VIPR2: variants seen among roughly 807,000 people sequenced by gnomAD.
The protein encoded by VIPR2 is vasoactive intestinal peptide receptor 2.
A neutral mutation model predicts 58.0 loss-of-function variants in VIPR2; 48 were observed. The ratio of observed to expected loss-of-function variants is 0.83; its 90% CI spans 0.66 to 1.05. The LOEUF (loss-of-function observed/expected upper bound fraction) is 1.05, where lower values mean the gene tolerates loss of function less well. Among genes scored for constraint, VIPR2 ranks in the 50% least tolerant of loss-of-function variants. The pLI, the probability that VIPR2 is intolerant of heterozygous loss-of-function variation, is 0.00. For synonymous variants in VIPR2, 243 were observed against 235.2 expected (o/e 1.03, Z -0.30); for missense variants, 534 against 558.0 (o/e 0.96, Z 0.43).
intron 2 of VIPR2, among the ~76,000 whole-genome samples, chr7:159,122,389 A>G (rs1200247676): frequency 1.3e-5 from 2 of 152,210 alleles, no homozygotes; most frequent in African/African-American, 4.8e-5. Flanking sequence ...GTGTGCTCCC[A>G]TCGGAATCTC....
chr7:159,142,357 C>T (rs1797509037), intron 2 of VIPR2, 89 bp downstream of exon 2: 3 of 784,510 alleles, frequency 3.8e-6, no homozygotes, highest in Non-Finnish European at 4.0e-6. Flanking sequence ...TTTTAAGATG[C>T]AGGTGGTGAC....
At chr7:159,082,962 C>T (rs1563307736) in intron 4 of VIPR2, among the ~76,000 whole-genome samples, 1 of 152,230 alleles carries the variant, frequency 6.6e-6, no homozygotes, top group Non-Finnish European at 1.5e-5. Context: ...TAACCATCAT[C>T]CTCATGTAAT....
rs1857617771 is a variant in VIPR2, at chr7:159,093,454, CT to C, written c.357+10302del. Among the ~76,000 whole-genome samples the C allele has an allele frequency of 1.3e-5, 2 of 152,212 alleles. 1 individual carries two copies. The highest frequency in any genetic ancestry group is 1.3e-4 in the Admixed American group (2 of 15,284). Reference sequence around the variant, plus strand: ...CGGGTGTGGCTGGAGCTCACTCTCACTGCCGGAAGTGAGGAGCCTCTCCAAC... The same window carrying C: ...CGGGTGTGGCTGGAGCTCACTCTCACGCCGGAAGTGAGGAGCCTCTCCAAC... On this transcript the variant is annotated intron_variant, in intron 4 of 12. Transcript: ENST00000262178. The surrounding 1 kb of genome is among the most constrained non-coding windows in gnomAD (Gnocchi z 6.7).
rs1441941672 is a variant in VIPR2, at chr7:159,128,272, T to C, written c.151+14174A>G. On this transcript the variant is annotated intron_variant, in intron 2 of 12. Coordinates refer to ENST00000262178, the MANE Select transcript of VIPR2 (RefSeq NM_003382.5). This position sits in a 1 kb window ranked among gnomAD's most constrained non-coding sequence, Gnocchi z 4.1. ...TGGGATGTCTGCCCCATCCATACCT[T>C]GGGACCCAGCTCTCATGATCTCACA... 6.6e-6 allele frequency among the ~76,000 whole-genome samples: 1 copy of C among 152,092 alleles called. No individual in the cohort carries two copies. The highest frequency in any genetic ancestry group is 1.5e-5 in the Non-Finnish European group (1 of 68,000).
At chr7:159,136,230 T>C (rs1585569288) in intron 2 of VIPR2, among the ~76,000 whole-genome samples, 1 of 152,130 alleles carries the variant, frequency 6.6e-6, no homozygotes, top group East Asian at 1.9e-4. Context: ...GGCCATCGTG[T>C]AGTGAGGGGG....
chr7:159,101,838 C>T (rs548515645), intron 4 of VIPR2, among the ~76,000 whole-genome samples: 25 of 124,982 alleles, frequency 2.0e-4, no homozygotes, highest in South Asian at 7.8e-4. Flanking sequence ...TGGTAGTGAA[C>T]GGGTCTCACG....
chr7:159,094,667 C>G (rs73169245), intron 4 of VIPR2, among the ~76,000 whole-genome samples: 25,064 of 152,162 alleles, frequency 0.16, 2,159 homozygotes, highest in Non-Finnish European at 0.17. Context: ...GTTTTAAAGA[C>G]GAAGATCCTG....
intron 4 of VIPR2, among the ~76,000 whole-genome samples, chr7:159,063,373 C>T (rs1308227208): frequency 6.6e-6 from 1 of 152,096 alleles, no homozygotes; most frequent in African/African-American, 2.4e-5. Context: ...TCCACAGCTG[C>T]TGGCCCGGGT....
At chr7:159,077,208 G>C (rs1856678813) in intron 4 of VIPR2, among the ~76,000 whole-genome samples, 1 of 152,254 alleles carries the variant, frequency 6.6e-6, no homozygotes. Flanking sequence ...TGACTGAAGA[G>C]ACAAAAGTTG....
At chr7:159,042,886 C>T in intron 6 of VIPR2, 149 bp downstream of exon 6, 1 of 1,163,608 alleles carries the variant, frequency 8.6e-7, no homozygotes, top group Non-Finnish European at 1.2e-6. Context: ...GTTCTGGCCC[C>T]AGCCTCTCTG....
intron 4 of VIPR2, among the ~76,000 whole-genome samples, chr7:159,081,566 T>G (rs2129494909): frequency 6.6e-6 from 1 of 152,294 alleles, no homozygotes; most frequent in South Asian, 2.1e-4. Flanking sequence ...GGGCAAGGAC[T>G]TCATGTCTAA....
chr7:159,049,923 T>G (rs1174701887), intron 5 of VIPR2, among the ~76,000 whole-genome samples: 1 of 151,646 alleles, frequency 6.6e-6, no homozygotes, highest in Admixed American at 6.6e-5. Context: ...CCATGAAAAA[T>G]TCAAATCCTC....
At chr7:159,108,801 C>T (rs1305928266) in intron 3 of VIPR2, among the ~76,000 whole-genome samples, 1 of 152,234 alleles carries the variant, frequency 6.6e-6, no homozygotes, top group Admixed American at 6.5e-5. Flanking sequence ...AGAATGGATG[C>T]AGCCCAAGCT....
In VIPR2 at chr7:159,031,411, C is replaced by G. The variant is rs377111470; in HGVS notation, c.1143+417G>C. 2.0e-6 allele frequency: 2 copies of G among 982,842 alleles called. No individual in the cohort carries two copies. Among genetic ancestry groups the G allele is most frequent in the Non-Finnish European group, 2.4e-6 (2 of 827,680 alleles). 60.9% of individuals were successfully genotyped at this position (982,842 alleles called of 1,614,324 possible). A position where few individuals can be genotyped will look rare whatever the true frequency, so the allele number is the denominator to read the frequency against. On this transcript the variant is annotated intron_variant, in intron 12 of 12. Transcript: ENST00000262178. This position sits in a 1 kb window ranked among gnomAD's most constrained non-coding sequence, Gnocchi z 4.0. ...CTGGGAATGAACGCAGGGCAGAGCTCGGCTCCGGGCTTCCTCCCCAGGGAC... is the reference window on the plus strand; with the variant it reads ...CTGGGAATGAACGCAGGGCAGAGCTGGGCTCCGGGCTTCCTCCCCAGGGAC...
chr7:159,060,346 C>T (rs57360306), intron 4 of VIPR2, among the ~76,000 whole-genome samples: 4 of 151,058 alleles, frequency 2.6e-5, no homozygotes, highest in Admixed American at 1.3e-4. Context: ...CTCATCCAAC[C>T]ACCATTCTCA....
Position 159,109,877 on chromosome 7 carries a change from G to A in VIPR2, c.194C>T (p.Ala65Val), listed in dbSNP as rs1563336608. 6.2e-7 allele frequency: 1 copy of A among 1,614,082 alleles called. No individual in the cohort carries two copies. The change falls in exon 3 of 13, where the codon GCC becomes GTC. Residue 65 changes from alanine to valine, a missense_variant. Around this residue, in one of 3 missense-constraint regions of VIPR2, gnomAD observed 224 missense variants for 255.7 expected, o/e 0.88. Coordinates refer to ENST00000262178, the MANE Select transcript of VIPR2 (RefSeq NM_003382.5). ...CACCGTGACGGTCTCTCCCACATTG[G>A]CAGGCCGCCAGCACGTGATGTTGTC... ...VWDNITCWRPANVGETVTVPC... is the reference protein window; with the variant it reads ...VWDNITCWRPVNVGETVTVPC...
intron 6 of VIPR2, among the ~76,000 whole-genome samples, chr7:159,039,534 G>A (rs569951468): frequency 1.3e-5 from 2 of 152,308 alleles, no homozygotes; most frequent in East Asian, 3.9e-4. Context: ...GCAATGGGCT[G>A]GAGGCTTCTT....
At chr7:159,136,380 C>T (rs944894891) in intron 2 of VIPR2, among the ~76,000 whole-genome samples, 6 of 152,200 alleles carry the variant, frequency 3.9e-5, no homozygotes, top group African/African-American at 1.4e-4. Context: ...TCTCTCAATA[C>T]TACTACATTG....
chr7:159,117,479 A>G, intron 2 of VIPR2: 1 of 709,186 alleles, frequency 1.4e-6, no homozygotes, highest in Non-Finnish European at 2.6e-6. Context: ...GCAGGACGTC[A>G]TCTCAGAGGT....
Sources: allele counts gnomAD v4.1 joint callset (sites outside exome capture counted in the v4.1 genomes callset), GRCh38; gene constraint gnomAD v4.1.1; regional missense constraint gnomAD v4.1.1; non-coding constraint Gnocchi (gnomAD v3.1); transcripts MANE v1.5; gene names NCBI Gene and HGNC (gene_info 2026-07-23, HGNC 2026-07-21).